Variants in NPAS3 observed in about 807,000 individuals in gnomAD.
NPAS3 encodes neuronal PAS domain-containing protein 3.
In NPAS3, 14 loss-of-function variants were observed where a neutral mutation model predicts 73.1. The observed-to-expected ratio is 0.19, with a 90% CI of 0.13 to 0.30. The LOEUF (loss-of-function observed/expected upper bound fraction) is 0.30. Ranked by LOEUF, NPAS3 falls within the 10% of genes least tolerant of loss-of-function variation. The probability of loss-of-function intolerance (pLI) is 1.00; values close to 1 mark genes in which losing one functional copy is unlikely to be tolerated. For synonymous variants in NPAS3, 620 were observed against 541.5 expected, an observed-to-expected ratio of 1.14 and a Z score of -2.01; for missense variants, 1,096 against 1,250.0, an observed-to-expected ratio of 0.88 and a Z score of 1.86.
At chr14:33,049,081 G>C (rs934409665) in intron 1 of NPAS3, among the ~76,000 whole-genome samples, 14 of 152,182 alleles carry the variant, frequency 9.2e-5, no homozygotes, top group Non-Finnish European at 5.9e-5. Flanking sequence ...GAGTCTAGTA[G>C]TGTCTGTAGG....
At chr14:33,535,847 A>G (rs2054237012) in intron 4 of NPAS3, among the ~76,000 whole-genome samples, 1 of 152,168 alleles carries the variant, frequency 6.6e-6, no homozygotes, top group Admixed American at 6.5e-5. Flanking sequence ...GTGCAGACAT[A>G]CAGTTTGAGC....
At chr14:33,264,211 G>A (rs2049084746) in intron 3 of NPAS3, among the ~76,000 whole-genome samples, 1 of 151,054 alleles carries the variant, frequency 6.6e-6, no homozygotes, top group African/African-American at 2.4e-5. Flanking sequence ...TCATAGGTGA[G>A]AATTGAACAG....
chr14:33,030,209 C>T (rs182557789), intron 1 of NPAS3, among the ~76,000 whole-genome samples: 21 of 152,198 alleles, frequency 1.4e-4, no homozygotes, highest in South Asian at 6.2e-4. Flanking sequence ...TGAGCACAAT[C>T]GCGCTTGGTG....
At chr14:33,412,257 T>G (rs1251866725) in intron 4 of NPAS3, among the ~76,000 whole-genome samples, 1 of 152,096 alleles carries the variant, frequency 6.6e-6, no homozygotes, top group Non-Finnish European at 1.5e-5. Context: ...TAGCTGGGAC[T>G]ACAGGTGTGA....
At chr14:33,185,891 C>T (rs149352788) in intron 2 of NPAS3, among the ~76,000 whole-genome samples, 243 of 152,222 alleles carry the variant, frequency 1.6e-3, no homozygotes, top group African/African-American at 5.3e-3. Flanking sequence ...CCCAAGGTCA[C>T]GGACTCTTGT....
chr14:32,985,363 C>T (rs2038056113), intron 1 of NPAS3, among the ~76,000 whole-genome samples: 1 of 152,028 alleles, frequency 6.6e-6, no homozygotes, highest in Non-Finnish European at 1.5e-5. Context: ...ATCTATAGTA[C>T]ACAAAAATTT....
At chr14:33,663,591 T>A (rs1426956820) in intron 5 of NPAS3, among the ~76,000 whole-genome samples, 1 of 152,214 alleles carries the variant, frequency 6.6e-6, no homozygotes, top group East Asian at 1.9e-4. Context: ...TCTCTCTTTC[T>A]ATTGTTTGGA....
At position 33,030,779 on chromosome 14, in the gene NPAS3, C is replaced by T. The variant is rs546775592; in HGVS notation, c.51-25126C>T. Among the ~76,000 whole-genome samples the T allele has an allele frequency of 1.2e-4, 18 of 152,218 alleles. No individual in the cohort carries two copies. In the South Asian group the frequency reaches 2.7e-3, roughly 23 times the overall value. On this transcript the variant is annotated intron_variant, in intron 1 of 11. Coordinates refer to ENST00000356141, the Ensembl canonical transcript of NPAS3. ...GGTGTATGCCATTTAGAATGGAGGA[C>T]GAGGACATGCATGTATTTTGTCTGT...
At chr14:32,962,984 T>C (rs1441725582) in intron 1 of NPAS3, among the ~76,000 whole-genome samples, 2 of 151,194 alleles carry the variant, frequency 1.3e-5, no homozygotes, top group African/African-American at 4.9e-5. Flanking sequence ...TAACCACAAT[T>C]TTAAAGTGCA....
At chr14:33,179,924 A>C (rs138617108) in intron 2 of NPAS3, among the ~76,000 whole-genome samples, 2 of 152,194 alleles carry the variant, frequency 1.3e-5, no homozygotes, top group African/African-American at 4.8e-5. Context: ...TGATTCTTCT[A>C]TGTAAATATT....
chr14:33,331,251 C>T (rs754602258), intron 3 of NPAS3, among the ~76,000 whole-genome samples: 1 of 152,144 alleles, frequency 6.6e-6, no homozygotes, highest in Non-Finnish European at 1.5e-5. Flanking sequence ...AAAACTTCAA[C>T]TATCTGGAAC....
intron 5 of NPAS3, among the ~76,000 whole-genome samples, chr14:33,659,930 A>T (rs1300950246): frequency 6.6e-6 from 1 of 152,188 alleles, no homozygotes; most frequent in East Asian, 1.9e-4. Flanking sequence ...TCGCTAAATG[A>T]AAACCCCTGA....
chr14:33,659,283 G>T (rs1261090531), intron 5 of NPAS3, among the ~76,000 whole-genome samples: 4 of 152,142 alleles, frequency 2.6e-5, no homozygotes, highest in Non-Finnish European at 5.9e-5. Flanking sequence ...TATAACAGAG[G>T]AAACGCCAGA....
chr14:32,981,286 AATG>A lies in NPAS3; in HGVS notation c.50+41931_50+41933del, dbSNP rs773386654. ...CCATTCACATGCCTAGCACAATAAAAATGATGATGATGACAATAATTCATATTT... is the reference window on the plus strand; with the variant it reads ...CCATTCACATGCCTAGCACAATAAAAATGATGATGACAATAATTCATATTT... On this transcript the variant is annotated intron_variant, in intron 1 of 11. Coordinates refer to ENST00000356141, the Ensembl canonical transcript of NPAS3. 3.3e-5 allele frequency among the ~76,000 whole-genome samples: 5 copies of A among 152,360 alleles called. No homozygotes were observed. In the South Asian group the frequency reaches 8.3e-4, roughly 25 times the overall value.
intron 4 of NPAS3, among the ~76,000 whole-genome samples, chr14:33,488,332 A>G (rs1030104136): frequency 9.9e-5 from 15 of 152,042 alleles, no homozygotes; most frequent in Admixed American, 6.6e-4. Flanking sequence ...TGGGCCACCA[A>G]GAGTCTTAAC....
chr14:33,711,859 A>G (rs1166855571), intron 6 of NPAS3, among the ~76,000 whole-genome samples: 1 of 152,070 alleles, frequency 6.6e-6, no homozygotes, highest in Non-Finnish European at 1.5e-5. Flanking sequence ...CCCCCAAGAA[A>G]GAGAGCAGAC....
At chr14:33,127,186 C>T (rs1401681987) in intron 2 of NPAS3, among the ~76,000 whole-genome samples, 1 of 151,702 alleles carries the variant, frequency 6.6e-6, no homozygotes, top group Non-Finnish European at 1.5e-5. Context: ...TTGGTTTTTG[C>T]CACCGTTGTC....
At chr14:33,122,804 A>G (rs1281664640) in intron 2 of NPAS3, among the ~76,000 whole-genome samples, 2 of 152,220 alleles carry the variant, frequency 1.3e-5, no homozygotes, top group African/African-American at 4.8e-5. Flanking sequence ...AGACTGAGGG[A>G]AAGAAGAAAG....
At chr14:33,502,219 C>T (rs1442428647) in intron 4 of NPAS3, among the ~76,000 whole-genome samples, 1 of 151,780 alleles carries the variant, frequency 6.6e-6, no homozygotes, top group African/African-American at 2.4e-5. Context: ...AAAAGCACCT[C>T]TTTTTTTCTG....
Sources: allele counts gnomAD v4.1 joint callset (sites outside exome capture counted in the v4.1 genomes callset), GRCh38; gene constraint gnomAD v4.1.1; transcripts MANE v1.5; gene names NCBI Gene and HGNC (gene_info 2026-07-23, HGNC 2026-07-21).